The following UTRN variants were observed in gnomAD, a reference collection of about 807,000 sequenced individuals.
The protein encoded by UTRN is utrophin, also known as dystrophin-related protein 1.
Under a neutral mutation model 463.9 loss-of-function variants are expected in UTRN, and 283 were observed. That is an observed-to-expected ratio of 0.61 (90% CI 0.55 to 0.67). UTRN has a LOEUF of 0.67. UTRN is among the 30% of genes least tolerant of loss of function. The pLI is 0.00. For missense variants in UTRN, 3,922 were observed against 4,084.3 expected, an observed-to-expected ratio of 0.96 and a Z score of 1.08; for synonymous variants, 1,442 against 1,431.5, an observed-to-expected ratio of 1.01 and a Z score of -0.17.
rs187286926 is a variant in UTRN at position 144,480,556 on chromosome 6, G to A, written c.3507+574G>A. 7.5e-4 allele frequency among the ~76,000 whole-genome samples: 115 copies of A among 152,330 alleles called. 1 individual carries two copies. Among genetic ancestry groups the A allele is most frequent in the Non-Finnish European group, 1.3e-3 (90 of 68,034 alleles). ...AGCAGGTAGGAATAGCGGTAGGAAT[G>A]CATCGGGGAGTTCATATTAGTTGGA... is the stretch of plus-strand genomic sequence containing the variant. On this transcript the variant is annotated intron_variant, in intron 26 of 74. Transcript: ENST00000367545.
At chr6:144,328,400 A>G (rs1776113260) in intron 2 of UTRN, among the ~76,000 whole-genome samples, 1 of 152,160 alleles carries the variant, frequency 6.6e-6, no homozygotes, top group Non-Finnish European at 1.5e-5. Flanking sequence ...CAGAAGTTTC[A>G]TCAAATCAAG....
chr6:144,666,366 T>G (rs538430677), intron 51 of UTRN, among the ~76,000 whole-genome samples: 2 of 152,348 alleles, frequency 1.3e-5, no homozygotes, highest in African/African-American at 4.8e-5. Flanking sequence ...GTGAAGAAAT[T>G]GCACAAAATG....
chr6:144,631,504 G>A (rs987228405), intron 51 of UTRN, among the ~76,000 whole-genome samples: 2 of 152,240 alleles, frequency 1.3e-5, no homozygotes, highest in East Asian at 3.9e-4. Context: ...CTAATTTGTG[G>A]GGATACATAA....
intron 51 of UTRN, among the ~76,000 whole-genome samples, chr6:144,669,328 G>A (rs1217769336): frequency 1.3e-5 from 2 of 152,046 alleles, no homozygotes; most frequent in African/African-American, 4.8e-5. Context: ...CTTCTATAGA[G>A]GTTACACTAT....
chr6:144,626,764 C>T (rs1321319906), intron 51 of UTRN, among the ~76,000 whole-genome samples: 2 of 152,176 alleles, frequency 1.3e-5, no homozygotes, highest in Admixed American at 6.5e-5. Flanking sequence ...CTCAGCCTCC[C>T]GAGTAGCTGG....
chr6:144,311,816 ATGATGG>A (rs1806293148), intron 2 of UTRN: 1 of 152,242 alleles, frequency 6.6e-6, no homozygotes, highest in Non-Finnish European at 1.5e-5. Flanking sequence ...TATAGATTAT[ATGATGG>A]TATTTAGGGT....
chr6:144,835,663 T>G (rs1781038443), intron 69 of UTRN, 117 bp from the exon 70 acceptor site: 1 of 1,393,026 alleles, frequency 7.2e-7, no homozygotes, highest in South Asian at 1.3e-5. Flanking sequence ...GACACTGAGC[T>G]CTAAGACAAA....
chr6:144,504,663 C>A (rs188446632), intron 34 of UTRN, among the ~76,000 whole-genome samples: 1 of 152,258 alleles, frequency 6.6e-6, no homozygotes, highest in East Asian at 1.9e-4. Flanking sequence ...AGTTTGCCAG[C>A]ATTTTATTGA....
chr6:144,732,239 CATATAT>C (rs71810800), intron 54 of UTRN, among the ~76,000 whole-genome samples: 13,713 of 115,970 alleles, frequency 0.12, 1,724 homozygotes, highest in African/African-American at 0.34. Flanking sequence ...TATATATATA[CATATAT>C]ATATATATAT....
intron 51 of UTRN, among the ~76,000 whole-genome samples, chr6:144,590,849 C>CCT (rs1364380676): frequency 8.0e-6 from 1 of 125,412 alleles, no homozygotes; most frequent in Admixed American, 7.9e-5. Context: ...AATCTACACA[C>CCT]ACACACACAC....
At chr6:144,513,547 T>G (rs1344781563) in intron 35 of UTRN, among the ~76,000 whole-genome samples, 2 of 151,836 alleles carry the variant, frequency 1.3e-5, no homozygotes, top group African/African-American at 4.8e-5. Context: ...AGACTCCATC[T>G]CAAAAGAAAA....
intron 2 of UTRN, chr6:144,344,191 C>A (rs1476343892): frequency 1.5e-6 from 2 of 1,303,174 alleles, no homozygotes. Context: ...TTTTCCTCAT[C>A]ATCTAAGCAG....
intron 52 of UTRN, among the ~76,000 whole-genome samples, chr6:144,694,569 C>T (rs1562777530): frequency 6.6e-6 from 1 of 152,028 alleles, no homozygotes; most frequent in Non-Finnish European, 1.5e-5. Context: ...AATTTCAGAG[C>T]TCATTATTGG....
chr6:144,573,541 C>G (rs910474027), intron 50 of UTRN, among the ~76,000 whole-genome samples: 2 of 151,640 alleles, frequency 1.3e-5, no homozygotes, highest in South Asian at 4.2e-4. Flanking sequence ...TAAAAAAATA[C>G]AAAAATTAGC....
chr6:144,690,093 T>TGTGTG (rs1339432168), intron 52 of UTRN, among the ~76,000 whole-genome samples: 59 of 33,652 alleles, frequency 1.8e-3, no homozygotes, highest in African/African-American at 8.4e-3. Flanking sequence ...TTTTTTTTTT[T>TGTGTG]TTTGTGTGTG....
chr6:144,624,661 A>G (rs1775766511), intron 51 of UTRN, among the ~76,000 whole-genome samples: 1 of 152,138 alleles, frequency 6.6e-6, no homozygotes, highest in Non-Finnish European at 1.5e-5. Context: ...GGCAATGGGA[A>G]GGAGATGAGG....
chr6:144,513,251 A>G (rs990697059), intron 35 of UTRN, among the ~76,000 whole-genome samples: 2 of 152,198 alleles, frequency 1.3e-5, no homozygotes, highest in African/African-American at 4.8e-5. Flanking sequence ...TATTCCTTAA[A>G]TGAGTTTTTT....
chr6:144,379,725 T>G (rs1234739178), intron 2 of UTRN, among the ~76,000 whole-genome samples: 1 of 152,252 alleles, frequency 6.6e-6, no homozygotes, highest in Non-Finnish European at 1.5e-5. Context: ...AAATAATTTC[T>G]GAATGTATTT....
intron 65 of UTRN, among the ~76,000 whole-genome samples, chr6:144,806,585 T>TC (rs1778171297): frequency 9.8e-6 from 1 of 102,150 alleles, no homozygotes; most frequent in East Asian, 3.3e-4. Flanking sequence ...TGTCTTTCCA[T>TC]TCATTCTCTG....
Sources: allele counts gnomAD v4.1 joint callset (sites outside exome capture counted in the v4.1 genomes callset), GRCh38; gene constraint gnomAD v4.1.1; transcripts MANE v1.5; gene names NCBI Gene and HGNC (gene_info 2026-07-23, HGNC 2026-07-21).